Variants in LEKR1 observed in about 807,000 individuals in gnomAD.
The protein encoded by LEKR1 is leucine, glutamate and lysine rich 1.
A neutral mutation model predicts 72.4 loss-of-function variants in LEKR1; 59 were observed. That is an observed-to-expected ratio of 0.82 (90% CI 0.66 to 1.01). LEKR1 has a LOEUF of 1.01. Among genes scored for constraint, LEKR1 ranks in the 50% least tolerant of loss-of-function variants. LEKR1 has a pLI of 0.00. For synonymous variants in LEKR1, 257 were observed against 263.2 expected (o/e 0.98, Z 0.23); for missense variants, 728 against 759.2 (o/e 0.96, Z 0.48).
chr3:156,956,028 A>G (rs1319411953), intron 6 of LEKR1, among the ~76,000 whole-genome samples: 1 of 151,916 alleles, frequency 6.6e-6, no homozygotes, highest in Non-Finnish European at 1.5e-5. Flanking sequence ...TTAGTTAGTC[A>G]CAATCAGCCA....
At chr3:156,917,095 G>C (rs1354416157) in intron 3 of LEKR1, among the ~76,000 whole-genome samples, 3 of 151,936 alleles carry the variant, frequency 2.0e-5, no homozygotes, top group African/African-American at 7.2e-5. Flanking sequence ...ACAAGAAAAG[G>C]GGCAATTAAA....
rs568604206 is a variant in LEKR1 at position 156,859,001 on chromosome 3, C to T, written c.263+6019C>T. Among the ~76,000 whole-genome samples, 15 of 151,786 alleles carry T rather than the reference C, an allele frequency of 9.9e-5. 1 individual carries two copies. The highest frequency in any genetic ancestry group is 2.2e-4 in the Non-Finnish European group (15 of 67,932). On this transcript the variant is annotated intron_variant, in intron 3 of 12. Transcript: ENST00000356539. ...CCTTTTATCTATGTCTATTTTTATT[C>T]CAGGTTGAAGAGAATATAACCTATT... is the stretch of plus-strand genomic sequence containing the variant.
intron 3 of LEKR1, among the ~76,000 whole-genome samples, chr3:156,896,462 C>T (rs1721195881): frequency 6.6e-6 from 1 of 152,156 alleles, no homozygotes; most frequent in African/African-American, 2.4e-5. Context: ...AAATGTCCAA[C>T]ATCACTATTC....
chr3:156,994,798 G>A (rs1259523516), intron 9 of LEKR1, among the ~76,000 whole-genome samples: 4 of 152,198 alleles, frequency 2.6e-5, no homozygotes, highest in Admixed American at 2.0e-4. Context: ...TAGAACTTTG[G>A]TTATCTGAGC....
intron 6 of LEKR1, among the ~76,000 whole-genome samples, chr3:156,975,028 A>G (rs940896604): frequency 2.0e-5 from 3 of 152,126 alleles, no homozygotes; most frequent in African/African-American, 4.8e-5. Context: ...GTTACTCCCA[A>G]TGTGCCTGCA....
chr3:156,883,245 CCATTT>C (rs1439613873), intron 3 of LEKR1, among the ~76,000 whole-genome samples: 2 of 152,182 alleles, frequency 1.3e-5, no homozygotes, highest in African/African-American at 4.8e-5. Flanking sequence ...TTGTTTTGGC[CCATTT>C]TCCCCATTTG....
rs370510114 is a variant in LEKR1 at position 157,024,987 on chromosome 3, G to A, written c.1368+63G>A. The A allele has an allele frequency of 2.6e-4, 291 of 1,129,864 alleles. 6 individuals are homozygous for A. The South Asian group carries it at 3.3e-3, about 13-fold the overall frequency. 70.0% of individuals were successfully genotyped at this position (1,129,864 alleles called of 1,614,324 possible). On this transcript the variant is annotated intron_variant, in intron 11 of 12. Transcript: ENST00000356539. ...TGAAACTGCAGATGTTGTATATTTC[G>A]CCTTAGAACACTACAGTATTTATAA...
At chr3:156,916,335 T>A (rs1019944534) in intron 3 of LEKR1, among the ~76,000 whole-genome samples, 5 of 152,182 alleles carry the variant, frequency 3.3e-5, no homozygotes, top group Non-Finnish European at 5.9e-5. Context: ...ATTGAATCTC[T>A]AAATTGCTTT....
intron 12 of LEKR1, among the ~76,000 whole-genome samples, chr3:157,036,685 G>A (rs1734992150): frequency 6.6e-6 from 1 of 152,168 alleles, no homozygotes; most frequent in Non-Finnish European, 1.5e-5. Context: ...GGATAATGGT[G>A]GGAAGAAATG....
intron 3 of LEKR1, among the ~76,000 whole-genome samples, chr3:156,902,380 T>G (rs779336060): frequency 6.6e-5 from 10 of 152,190 alleles, no homozygotes; most frequent in Non-Finnish European, 1.3e-4. Context: ...TCAGAAATTA[T>G]TTTTTAAAGT....
intron 2 of LEKR1, among the ~76,000 whole-genome samples, chr3:156,846,369 G>A (rs1215712687): frequency 6.6e-6 from 1 of 151,906 alleles, no homozygotes; most frequent in African/African-American, 2.4e-5. Flanking sequence ...AGTGCAGTGA[G>A]GGTGGATATC....
chr3:156,965,854 A>G (rs983850932), intron 6 of LEKR1, among the ~76,000 whole-genome samples: 1 of 152,186 alleles, frequency 6.6e-6, no homozygotes, highest in African/African-American at 2.4e-5. Flanking sequence ...AATTACTTCT[A>G]TTATTGGTAT....
intron 11 of LEKR1, among the ~76,000 whole-genome samples, chr3:157,027,836 G>A (rs1180289166): frequency 2.0e-5 from 3 of 151,980 alleles, no homozygotes; most frequent in Admixed American, 2.0e-4. Context: ...AAAAAGACTT[G>A]TGCTATCCTT....
chr3:157,019,788 TG>T, intron 10 of LEKR1, among the ~76,000 whole-genome samples: 1 of 152,320 alleles, frequency 6.6e-6, no homozygotes, highest in African/African-American at 2.4e-5. Flanking sequence ...AGGCAAATAA[TG>T]TACCCCTTAA....
intron 6 of LEKR1, 81 bp downstream of exon 6, chr3:156,942,795 C>A: frequency 1.7e-6 from 1 of 584,710 alleles, no homozygotes; most frequent in Non-Finnish European, 2.6e-6. Context: ...CTTATAATTA[C>A]AACAAAATCT....
At chr3:157,044,923 T>C (rs1402137864) in intron 12 of LEKR1, among the ~76,000 whole-genome samples, 1 of 152,240 alleles carries the variant, frequency 6.6e-6, no homozygotes, top group Non-Finnish European at 1.5e-5. Context: ...AAAGAATATA[T>C]TTAATGACTC....
chr3:156,889,604 C>A (rs1310675759), intron 3 of LEKR1, among the ~76,000 whole-genome samples: 1 of 152,194 alleles, frequency 6.6e-6, no homozygotes, highest in Non-Finnish European at 1.5e-5. Context: ...CCTCTGTGAA[C>A]CCCTGGGTTT....
chr3:156,954,490 G>T (rs1261459137), intron 6 of LEKR1, among the ~76,000 whole-genome samples: 1 of 151,960 alleles, frequency 6.6e-6, no homozygotes, highest in Non-Finnish European at 1.5e-5. Context: ...TATAGCTTTG[G>T]GTTTTACATT....
intron 3 of LEKR1, among the ~76,000 whole-genome samples, chr3:156,854,496 A>C (rs1715796660): frequency 6.8e-6 from 1 of 147,716 alleles, no homozygotes; most frequent in South Asian, 2.1e-4. Flanking sequence ...CCTTTATTGT[A>C]CCTTTACCTT....
Sources: gnomAD v4.1 joint callset for allele counts (sites outside exome capture counted in the v4.1 genomes callset) on GRCh38, gnomAD v4.1.1 for gene constraint, MANE v1.5 for transcripts, NCBI Gene and HGNC (gene_info 2026-07-23, HGNC 2026-07-21) for gene names.